MRPS21: variants seen among roughly 807,000 people sequenced by gnomAD.
The protein encoded by MRPS21 is mitochondrial ribosomal protein S21.
MRPS21 carries 8 observed loss-of-function variants against 9.9 expected under a neutral mutation model. That is an observed-to-expected ratio of 0.81 (90% CI 0.47 to 1.45). The LOEUF is 1.45. MRPS21 is among the 40% of genes most tolerant of loss of function. The pLI is 0.00. For missense variants in MRPS21, 101 were observed against 118.9 expected (o/e 0.85, Z 0.70); for synonymous variants, 40 against 40.3 (o/e 0.99, Z 0.03).
intron 2 of MRPS21, among the ~76,000 whole-genome samples, chr1:150,300,352 A>C (rs782402294): frequency 2.6e-5 from 4 of 151,760 alleles, no homozygotes; most frequent in Non-Finnish European, 4.4e-5. Flanking sequence ...CAAAAAAAAA[A>C]AGGCTTGTAG....
chr1:150,302,480 T>G (rs1654177713), intron 2 of MRPS21, among the ~76,000 whole-genome samples: 1 of 152,188 alleles, frequency 6.6e-6, no homozygotes, highest in African/African-American at 2.4e-5. Flanking sequence ...CATTGAGTCC[T>G]TCTGCATACA....
chr1:150,295,715 T>C (rs1653891720), intron 2 of MRPS21, among the ~76,000 whole-genome samples: 1 of 151,982 alleles, frequency 6.6e-6, no homozygotes, highest in African/African-American at 2.4e-5. Flanking sequence ...GTGGGGAGGA[T>C]TGCTTGTTGC....
chr1:150,299,947 A>G (rs961012320), intron 2 of MRPS21, among the ~76,000 whole-genome samples: 3 of 152,130 alleles, frequency 2.0e-5, no homozygotes, highest in Admixed American at 2.0e-4. Context: ...CCAGGGCCCA[A>G]TCTGAGATGA....
At chr1:150,301,585 A>G (rs1299909665) in intron 2 of MRPS21, among the ~76,000 whole-genome samples, 1 of 151,898 alleles carries the variant, frequency 6.6e-6, no homozygotes, top group Admixed American at 6.6e-5. Flanking sequence ...GGGGAAATGA[A>G]CAAATATTTC....
At chr1:150,299,974 G>C (rs782669361) in intron 2 of MRPS21, among the ~76,000 whole-genome samples, 28 of 152,096 alleles carry the variant, frequency 1.8e-4, no homozygotes, top group Non-Finnish European at 4.1e-4. Context: ...ATCTCCAGGG[G>C]TTGCAACCTG....
intron 2 of MRPS21, 32 bp from the exon 3 acceptor site, chr1:150,308,016 A>G (rs781888645): frequency 4.0e-6 from 6 of 1,504,460 alleles, no homozygotes; most frequent in Admixed American, 3.9e-5. Context: ...GATGATCCCA[A>G]ATGTCTAACC....
chr1:150,300,493 A>C (rs911087371), intron 2 of MRPS21, among the ~76,000 whole-genome samples: 1 of 152,066 alleles, frequency 6.6e-6, no homozygotes, highest in Non-Finnish European at 1.5e-5. Context: ...CTTTTTTGTC[A>C]CTTATTTAAT....
chr1:150,295,057 A>G (rs1165433415), intron 2 of MRPS21, among the ~76,000 whole-genome samples: 1 of 141,572 alleles, frequency 7.1e-6, no homozygotes, highest in Non-Finnish European at 1.5e-5. Context: ...GTGCAGCGGC[A>G]CGATCTCGGC....
chr1:150,303,795 G>A (rs1553858013), intron 2 of MRPS21: 2 of 415,904 alleles, frequency 4.8e-6, no homozygotes, highest in African/African-American at 4.1e-5. Flanking sequence ...GAGGCTTTCT[G>A]AGCTATATCC....
intron 2 of MRPS21, among the ~76,000 whole-genome samples, chr1:150,307,526 G>A (rs782359461): frequency 1.3e-5 from 2 of 151,368 alleles, no homozygotes; most frequent in African/African-American, 2.4e-5. Context: ...CCTGGTTAAT[G>A]TTTGTATTAT....
At chr1:150,304,397 C>A (rs996252837) in intron 2 of MRPS21, among the ~76,000 whole-genome samples, 1 of 151,968 alleles carries the variant, frequency 6.6e-6, no homozygotes, top group Admixed American at 6.6e-5. Flanking sequence ...AATGCAAATT[C>A]TTGGCCCCTA....
intron 2 of MRPS21, among the ~76,000 whole-genome samples, chr1:150,300,936 C>A (rs1382818058): frequency 2.0e-5 from 3 of 150,616 alleles, no homozygotes; most frequent in Non-Finnish European, 4.4e-5. Flanking sequence ...GGTGGCTCAC[C>A]CCTGTAAGCT....
At chr1:150,294,158 C>A in intron 1 of MRPS21, 177 bp from the exon 2 acceptor site, 1 of 511,370 alleles carries the variant, frequency 2.0e-6, no homozygotes, top group Non-Finnish European at 3.7e-6. Flanking sequence ...TTTGGACTGG[C>A]AGTGAGAATA....
At chr1:150,302,211 G>T (rs1409419731) in intron 2 of MRPS21, among the ~76,000 whole-genome samples, 25 of 152,272 alleles carry the variant, frequency 1.6e-4, no homozygotes, top group African/African-American at 6.0e-4. Context: ...CTAGAGGGAG[G>T]TGATTAAAGC....
chr1:150,293,906 G>T lies in MRPS21; in HGVS notation c.-33+8G>T. On this transcript the variant is annotated splice_region_variant and intron_variant, in intron 1 of 2. Transcript: ENST00000614145. ...AGGTACTGAGCGCGCGAGGTGAGGA[G>T]TTGTGCAGGGTTTGGGGAAAGGAAG... The T allele has an allele frequency of 5.5e-6, 1 of 181,132 alleles. No individual in the cohort carries two copies. 11.2% of individuals were successfully genotyped at this position (181,132 alleles called of 1,614,324 possible).
chr1:150,300,940 G>GT (rs1442934870), intron 2 of MRPS21, among the ~76,000 whole-genome samples: 1 of 151,972 alleles, frequency 6.6e-6, no homozygotes, highest in Non-Finnish European at 1.5e-5. Flanking sequence ...GCTCACCCCT[G>GT]TAAGCTCAGC....
rs1184939649 is a variant in MRPS21 at position 150,308,340 on chromosome 1, A to C, written c.*112A>C. ...ATTCTCTGCAATAAACTCAAATCAC[A>C]TGTCTGCAAGAAGGCCTCCAAATAT... On this transcript the variant is annotated 3_prime_UTR_variant, in exon 3 of 3. Transcript: ENST00000614145. 3 of 1,129,754 alleles carry C rather than the reference A, an allele frequency of 2.7e-6. No individual in the cohort carries two copies. Among genetic ancestry groups the C allele is most frequent in the Non-Finnish European group, 3.7e-6 (3 of 819,958 alleles). 70.0% of individuals were successfully genotyped at this position (1,129,754 alleles called of 1,614,324 possible).
At chr1:150,305,755 C>T (rs1342300586) in intron 2 of MRPS21, among the ~76,000 whole-genome samples, 6 of 152,082 alleles carry the variant, frequency 3.9e-5, no homozygotes, top group East Asian at 1.9e-4. Flanking sequence ...CCACCATGCC[C>T]AGCTAATTTT....
At chr1:150,302,176 A>T (rs1654160429) in intron 2 of MRPS21, among the ~76,000 whole-genome samples, 1 of 152,176 alleles carries the variant, frequency 6.6e-6, no homozygotes, top group African/African-American at 2.4e-5. Context: ...TCTAATTACA[A>T]CAATAGGTAG....
Sources: gnomAD v4.1 joint callset for allele counts (sites outside exome capture counted in the v4.1 genomes callset) on GRCh38, gnomAD v4.1.1 for gene constraint, MANE v1.5 for transcripts, NCBI Gene and HGNC (gene_info 2026-07-23, HGNC 2026-07-21) for gene names.